CDK8: variants seen among roughly 807,000 people sequenced by gnomAD.
CDK8 encodes cyclin-dependent kinase 8.
Under a neutral mutation model 71.5 loss-of-function variants are expected in CDK8, and 29 were observed. That is an observed-to-expected ratio of 0.41 (90% CI 0.30 to 0.55). The LOEUF is 0.55. Ranked by LOEUF, CDK8 falls within the 20% of genes least tolerant of loss-of-function variation. CDK8 has a pLI of 0.37. For synonymous variants in CDK8, 161 were observed against 192.1 expected (o/e 0.84, Z 1.34); for missense variants, 288 against 572.6 (o/e 0.50, Z 5.07).
At chr13:26,306,563 T>C (rs1430610000) in intron 1 of CDK8, among the ~76,000 whole-genome samples, 2 of 152,030 alleles carry the variant, frequency 1.3e-5, no homozygotes, top group East Asian at 1.9e-4. Context: ...TCTGTTCAGA[T>C]TGAAGCAAGG....
At chr13:26,396,384 G>A in intron 8 of CDK8, 30 bp downstream of exon 8, 1 of 1,117,656 alleles carries the variant, frequency 8.9e-7, no homozygotes, top group Non-Finnish European at 1.3e-6. Context: ...ACTCCTTGTT[G>A]ATTTTTGCTT....
rs531864643 is a variant in CDK8, at chr13:26,287,123, C to T, written c.128+32354C>T. On this transcript the variant is annotated intron_variant, in intron 1 of 12. Transcript: ENST00000381527. ...AACTAAAATAGAACTACCATTTGAT[C>T]CAGCAATCCCAGTACTGGGTATCTA... 2.0e-5 allele frequency among the ~76,000 whole-genome samples: 3 copies of T among 152,280 alleles called. No homozygotes were observed. The East Asian group carries it at 5.8e-4, about 29-fold the overall frequency.
Position 26,296,671 on chromosome 13 carries a change from A to C in CDK8, c.129-40896A>C, listed in dbSNP as rs950072012. ...AGTTAACATTAATCTATTGAGGTAA[A>C]ATACCCCTATTGGTGTTGTCAAAGA... On this transcript the variant is annotated intron_variant, in intron 1 of 12. Coordinates refer to ENST00000381527, the MANE Select transcript of CDK8 (RefSeq NM_001260.3). 7.2e-5 allele frequency among the ~76,000 whole-genome samples: 11 copies of C among 152,304 alleles called. No homozygotes were observed. In the South Asian group the frequency reaches 1.7e-3, roughly 23 times the overall value.
At chr13:26,359,330 C>T (rs1415243911) in intron 4 of CDK8, among the ~76,000 whole-genome samples, 1 of 152,114 alleles carries the variant, frequency 6.6e-6, no homozygotes, top group East Asian at 1.9e-4. Flanking sequence ...CTGAACTGTA[C>T]ACTTAAAATG....
intron 1 of CDK8, among the ~76,000 whole-genome samples, chr13:26,308,490 TG>T (rs1874140392): frequency 6.6e-6 from 1 of 152,252 alleles, no homozygotes; most frequent in South Asian, 2.1e-4. Context: ...ATGGGCCACT[TG>T]GCTGTTACCA....
intron 8 of CDK8, among the ~76,000 whole-genome samples, chr13:26,396,690 A>G (rs1330786041): frequency 6.6e-6 from 1 of 152,156 alleles, no homozygotes; most frequent in Non-Finnish European, 1.5e-5. Flanking sequence ...GGTAATAGCC[A>G]CTTGCTCACC....
chr13:26,360,846 T>C (rs1265594776), intron 4 of CDK8, among the ~76,000 whole-genome samples: 3 of 152,194 alleles, frequency 2.0e-5, no homozygotes, highest in East Asian at 1.9e-4. Context: ...CTACTATGAT[T>C]TACTGCAGTG....
At chr13:26,270,289 T>A (rs1566465067) in intron 1 of CDK8, among the ~76,000 whole-genome samples, 1 of 151,572 alleles carries the variant, frequency 6.6e-6, no homozygotes, top group East Asian at 1.9e-4. Context: ...CTCAAGAGGC[T>A]GAGGCAGGAG....
At chr13:26,262,146 C>G (rs1271405807) in intron 1 of CDK8, among the ~76,000 whole-genome samples, 1 of 152,228 alleles carries the variant, frequency 6.6e-6, no homozygotes. Context: ...AAAATCCTAA[C>G]TACGTATCTT....
intron 1 of CDK8, among the ~76,000 whole-genome samples, chr13:26,335,946 ACAACAACAG>A (rs1405659897): frequency 4.0e-5 from 6 of 151,776 alleles, no homozygotes; most frequent in African/African-American, 1.5e-4. Flanking sequence ...AACAACAACA[ACAACAACAG>A]ACCTTTAAAG....
intron 1 of CDK8, among the ~76,000 whole-genome samples, chr13:26,300,881 T>C (rs1276711816): frequency 6.6e-6 from 1 of 152,192 alleles, no homozygotes; most frequent in Non-Finnish European, 1.5e-5. Flanking sequence ...ATGGTAAAGA[T>C]AAAATAATAT....
At chr13:26,262,659 TA>T (rs1429750640) in intron 1 of CDK8, among the ~76,000 whole-genome samples, 1 of 152,226 alleles carries the variant, frequency 6.6e-6, no homozygotes, top group Admixed American at 6.5e-5. Context: ...CTAGAAATAA[TA>T]TTTTTTTGAA....
chr13:26,327,057 A>G (rs886925248), intron 1 of CDK8, among the ~76,000 whole-genome samples: 3 of 152,212 alleles, frequency 2.0e-5, no homozygotes, highest in Non-Finnish European at 4.4e-5. Context: ...TCCATGATTA[A>G]TAAGGATACT....
At chr13:26,344,951 A>G (rs779025855) in intron 2 of CDK8, among the ~76,000 whole-genome samples, 1 of 152,170 alleles carries the variant, frequency 6.6e-6, no homozygotes, top group Non-Finnish European at 1.5e-5. Flanking sequence ...AGAGGCATTT[A>G]TTATCATCAA....
chr13:26,268,279 A>ACG (rs1171924868), intron 1 of CDK8, among the ~76,000 whole-genome samples: 7 of 149,964 alleles, frequency 4.7e-5, no homozygotes, highest in African/African-American at 1.7e-4. Context: ...ACACACACAC[A>ACG]CACACACACA....
At chr13:26,350,026 CATGT>C in intron 3 of CDK8, among the ~76,000 whole-genome samples, 1 of 152,140 alleles carries the variant, frequency 6.6e-6, no homozygotes, top group African/African-American at 2.4e-5. Context: ...AGTACAGTAA[CATGT>C]ACAGGTTTGT....
At chr13:26,338,752 C>T (rs532275577) in intron 2 of CDK8, among the ~76,000 whole-genome samples, 11 of 152,122 alleles carry the variant, frequency 7.2e-5, no homozygotes, top group South Asian at 2.1e-4. Context: ...TGTATATACT[C>T]GTCAGTTTTA....
intron 6 of CDK8, among the ~76,000 whole-genome samples, chr13:26,387,568 A>ATT (rs1346311431): frequency 6.6e-6 from 1 of 152,186 alleles, no homozygotes; most frequent in African/African-American, 2.4e-5. Flanking sequence ...CCCCAGGGTG[A>ATT]TGATAGAGAG....
rs1447285016 is a variant in CDK8 at position 26,328,483 on chromosome 13, CA to C, written c.129-9083del. Among the ~76,000 whole-genome samples, 3 of 152,192 alleles carry C rather than the reference CA, an allele frequency of 2.0e-5. No individual in the cohort carries two copies. The East Asian group carries it at 5.8e-4, about 29-fold the overall frequency. ...GAACAGGCTCCTAAACCCTAAACCACAGAGCTTAAACCCTAAACCACATCTG... is the reference window on the plus strand; with the variant it reads ...GAACAGGCTCCTAAACCCTAAACCACGAGCTTAAACCCTAAACCACATCTG... On this transcript the variant is annotated intron_variant, in intron 1 of 12. Coordinates refer to ENST00000381527, the MANE Select transcript of CDK8 (RefSeq NM_001260.3).
Sources: allele counts gnomAD v4.1 joint callset (sites outside exome capture counted in the v4.1 genomes callset), GRCh38; gene constraint gnomAD v4.1.1; transcripts MANE v1.5; gene names NCBI Gene and HGNC (gene_info 2026-07-23, HGNC 2026-07-21).